The following AGBL3 variants were observed in gnomAD, a reference collection of about 807,000 sequenced individuals.
The protein encoded by AGBL3 is AGBL carboxypeptidase 3, also known as cytosolic carboxypeptidase 3.
AGBL3 carries 68 observed loss-of-function variants against 94.5 expected under a neutral mutation model. The ratio of observed to expected loss-of-function variants is 0.72; its 90% CI spans 0.59 to 0.88. The LOEUF (loss-of-function observed/expected upper bound fraction) is 0.88, where lower values mean the gene tolerates loss of function less well. Ranked by LOEUF, AGBL3 falls within the 40% of genes least tolerant of loss-of-function variation. The pLI is 0.00. For missense variants in AGBL3, 934 were observed against 1,103.8 expected (o/e 0.85, Z 2.18); for synonymous variants, 354 against 370.7 (o/e 0.95, Z 0.52).
intron 8 of AGBL3, among the ~76,000 whole-genome samples, chr7:135,042,191 A>G (rs1816919217): frequency 6.6e-6 from 1 of 152,216 alleles, no homozygotes; most frequent in Admixed American, 6.5e-5. Flanking sequence ...AGAAATGAAA[A>G]GGTACATTCA....
intron 15 of AGBL3, among the ~76,000 whole-genome samples, chr7:135,096,592 G>GATAGATAGATAC (rs1563260221): frequency 9.1e-5 from 13 of 143,354 alleles, no homozygotes; most frequent in East Asian, 2.0e-4. Flanking sequence ...TACATAGATA[G>GATAGATAGATAC]ATAGATAGAT....
chr7:135,019,158 C>T (rs1405439597), intron 5 of AGBL3, among the ~76,000 whole-genome samples: 1 of 152,168 alleles, frequency 6.6e-6, no homozygotes, highest in Non-Finnish European at 1.5e-5. Flanking sequence ...TACATGTTAG[C>T]AGACTCTTTT....
At chr7:135,068,541 C>T (rs1819581040) in intron 12 of AGBL3, among the ~76,000 whole-genome samples, 1 of 152,178 alleles carries the variant, frequency 6.6e-6, no homozygotes, top group South Asian at 2.1e-4. Flanking sequence ...GATCTCTCGG[C>T]AGAAACTCTA....
At chr7:135,081,239 C>T (rs1019583520) in intron 14 of AGBL3, among the ~76,000 whole-genome samples, 4 of 152,018 alleles carry the variant, frequency 2.6e-5, no homozygotes, top group Non-Finnish European at 5.9e-5. Context: ...TTATTTTAAA[C>T]GCGTTCCTAT....
intron 4 of AGBL3, among the ~76,000 whole-genome samples, chr7:135,003,160 A>G (rs1213308296): frequency 6.6e-6 from 1 of 152,114 alleles, no homozygotes; most frequent in Non-Finnish European, 1.5e-5. Flanking sequence ...TCCATCAGGA[A>G]TCCATTTTGA....
chr7:135,052,166 T>C (rs1430261182), intron 11 of AGBL3, among the ~76,000 whole-genome samples: 2 of 152,224 alleles, frequency 1.3e-5, no homozygotes, highest in Non-Finnish European at 1.5e-5. Flanking sequence ...ACTTATTCTT[T>C]GTTTTACTTC....
chr7:135,040,935 C>T (rs1211471997), intron 8 of AGBL3, among the ~76,000 whole-genome samples: 3 of 150,930 alleles, frequency 2.0e-5, no homozygotes, highest in African/African-American at 4.9e-5. Flanking sequence ...TAAGCAAGGT[C>T]GTAGGATACA....
chr7:135,106,270 T>C (rs1239752348), intron 15 of AGBL3, among the ~76,000 whole-genome samples: 2 of 152,188 alleles, frequency 1.3e-5, no homozygotes, highest in African/African-American at 4.8e-5. Context: ...TTATGTTGAA[T>C]AGAAAGGTGA....
chr7:135,017,429 A>G (rs979477629), intron 5 of AGBL3, among the ~76,000 whole-genome samples: 2 of 152,260 alleles, frequency 1.3e-5, no homozygotes, highest in African/African-American at 4.8e-5. Flanking sequence ...TTTGCTTCAT[A>G]TCAATTTTGA....
At chr7:135,116,319 A>T (rs988536646) in intron 16 of AGBL3, among the ~76,000 whole-genome samples, 3 of 152,218 alleles carry the variant, frequency 2.0e-5, no homozygotes, top group Admixed American at 2.0e-4. Context: ...AGTCCTCCTG[A>T]ACTTCATCAT....
intron 11 of AGBL3, among the ~76,000 whole-genome samples, chr7:135,054,754 G>A (rs982976614): frequency 4.6e-5 from 7 of 152,126 alleles, no homozygotes; most frequent in Non-Finnish European, 7.4e-5. Flanking sequence ...ACATATATTT[G>A]TATGTTTCCT....
chr7:135,132,228 G>T (rs1828871448), intron 16 of AGBL3, among the ~76,000 whole-genome samples: 2 of 152,086 alleles, frequency 1.3e-5, no homozygotes, highest in South Asian at 2.1e-4. Flanking sequence ...GACAGAATAA[G>T]ATTTTGCATA....
intron 15 of AGBL3, among the ~76,000 whole-genome samples, chr7:135,098,148 G>T (rs1447660155): frequency 6.6e-6 from 1 of 152,138 alleles, no homozygotes; most frequent in Non-Finnish European, 1.5e-5. Context: ...GTTTTGAAAA[G>T]CTGGAAACCA....
intron 12 of AGBL3, among the ~76,000 whole-genome samples, chr7:135,067,684 T>G (rs906549241): frequency 1.3e-5 from 2 of 152,232 alleles, no homozygotes; most frequent in African/African-American, 4.8e-5. Context: ...GGGTCCTGAC[T>G]GTTAGAAGGA....
rs370765062 is a variant in AGBL3, at chr7:135,034,652, G to A, written c.1061G>A (p.Arg354Gln). Residue 354 changes from arginine (R) to glutamine (Q), a missense_variant, in exon 7 of 17, where the codon CGG (arginine) becomes CAG (glutamine). Arg to Gln is a conservative substitution (Grantham distance 43). Transcript: ENST00000436302. ...TTGAAGAACTCTGACTCAAGAAAGC[G>A]GAAGGCTGTGATTCTGACTGCAAGG... The part of the protein sequence containing the change: ...TPLKNSDSRK[R>Q]KAVILTARVH... 62 of 1,551,576 alleles carry A rather than the reference G, an allele frequency of 4.0e-5. No homozygotes were observed. In the East Asian group the frequency reaches 6.6e-4, roughly 17 times the overall value.
Position 135,034,628 on chromosome 7 carries a change from T to G in AGBL3, c.1037T>G (p.Leu346Trp). 1.3e-6 allele frequency: 2 copies of G among 1,551,650 alleles called. No homozygotes were observed. The highest frequency in any genetic ancestry group is 1.4e-5 in the African/African-American group (1 of 73,156). ...MVYILTITTPLKNSDSRKRKA... is the reference protein window; with the variant it reads ...MVYILTITTPWKNSDSRKRKA... ...TATATTTTAACAATCACTACCCCCT[T>G]GAAGAACTCTGACTCAAGAAAGCGG... The change falls in exon 7 of 17, where the codon TTG becomes TGG. Residue 346 changes from leucine to tryptophan, a missense_variant. Coordinates refer to ENST00000436302, the MANE Select transcript of AGBL3 (RefSeq NM_178563.4).
chr7:134,992,773 G>C (rs1260170709), intron 3 of AGBL3, among the ~76,000 whole-genome samples: 2 of 152,358 alleles, frequency 1.3e-5, no homozygotes, highest in East Asian at 3.9e-4. Flanking sequence ...TGCTGTATCA[G>C]CTGTTGTACA....
intron 5 of AGBL3, among the ~76,000 whole-genome samples, chr7:135,032,371 C>T (rs1815841026): frequency 6.6e-6 from 1 of 151,966 alleles, no homozygotes; most frequent in South Asian, 2.1e-4. Flanking sequence ...GTGACGCGAT[C>T]TCCGCTCACT....
chr7:135,111,189 TC>T (rs2117138456), intron 15 of AGBL3, among the ~76,000 whole-genome samples: 1 of 113,616 alleles, frequency 8.8e-6, no homozygotes, highest in Non-Finnish European at 2.0e-5. Context: ...GAAATAAATA[TC>T]CCTCTGTTTA....
Sources: gnomAD v4.1 joint callset for allele counts (sites outside exome capture counted in the v4.1 genomes callset) on GRCh38, gnomAD v4.1.1 for gene constraint, MANE v1.5 for transcripts, NCBI Gene and HGNC (gene_info 2026-07-23, HGNC 2026-07-21) for gene names.